PSMG2: variants seen among roughly 807,000 people sequenced by gnomAD.
The protein encoded by PSMG2 is CD40 ligand-activated specific transcript 3.
PSMG2 carries 21 observed loss-of-function variants against 31.5 expected under a neutral mutation model. The ratio of observed to expected loss-of-function variants is 0.67; its 90% confidence interval spans 0.47 to 0.96. The LOEUF (loss-of-function observed/expected upper bound fraction) is 0.96. Ranked by LOEUF, PSMG2 falls within the 40% of genes least tolerant of loss-of-function variation. PSMG2 has a pLI of 0.00. For synonymous variants in PSMG2, 120 were observed against 110.4 expected (o/e 1.09, Z -0.54); for missense variants, 318 against 321.2 (o/e 0.99, Z 0.08).
rs368754056 is a variant in PSMG2, at chr18:12,671,743, C to T, written c.-37+12970C>T. 2.1e-4 allele frequency among the ~76,000 whole-genome samples: 31 copies of T among 148,808 alleles called. No homozygotes were observed. In the East Asian group the frequency reaches 5.8e-3, roughly 28 times the overall value. On this transcript the variant is annotated intron_variant, in intron 1 of 6. Transcript: ENST00000585331. Reference sequence around the variant, plus strand: ...AGCTCACCACCTCTGTGGACTCAAGCGATCCTTCCGCCTCAGACTCCCGAG... The same window carrying T: ...AGCTCACCACCTCTGTGGACTCAAGTGATCCTTCCGCCTCAGACTCCCGAG...
At chr18:12,699,159 C>T (rs2040062468), upstream of PSMG2, 1 of 1,613,912 alleles carries the variant, frequency 6.2e-7, no homozygotes, top group African/African-American at 1.3e-5. Flanking sequence ...GCTTTTCCAC[C>T]CAAAACCTGA....
rs144600506 is a variant in PSMG2, at chr18:12,689,194, C to T, written c.-36-17356C>T. On this transcript the variant is annotated intron_variant, in intron 1 of 6. Transcript: ENST00000585331. ...TTTTTGGCCTGGATATGTATATTAACGTTTTGATTTATAACTATTGTTTTT... is the reference window on the plus strand; with the variant it reads ...TTTTTGGCCTGGATATGTATATTAATGTTTTGATTTATAACTATTGTTTTT... Among the ~76,000 whole-genome samples, 353 of 152,258 alleles carry T rather than the reference C, an allele frequency of 2.3e-3. 3 individuals are homozygous for T. Among genetic ancestry groups the T allele is most frequent in the South Asian group, 0.014 (69 of 4,820 alleles).
At chr18:12,690,876 T>C (rs2039729779) in intron 1 of PSMG2, among the ~76,000 whole-genome samples, 1 of 152,110 alleles carries the variant, frequency 6.6e-6, no homozygotes, top group South Asian at 2.1e-4. Context: ...GTCACTGGCT[T>C]AGAAGTCGTG....
upstream of PSMG2, among the ~76,000 whole-genome samples, chr18:12,701,984 G>A (rs1241292188): frequency 4.6e-5 from 7 of 152,194 alleles, no homozygotes; most frequent in South Asian, 2.1e-4. Context: ...AAAATTAGCC[G>A]AGCGTGGTGG....
At chr18:12,686,896 G>C (rs1290544495) in intron 1 of PSMG2, 1 of 152,408 alleles carries the variant, frequency 6.6e-6, no homozygotes, top group East Asian at 1.9e-4. Context: ...CTTGATTCTA[G>C]TTTGTTTCCA....
intron 1 of PSMG2, among the ~76,000 whole-genome samples, chr18:12,697,564 C>T (rs1007103065): frequency 6.6e-6 from 1 of 152,198 alleles, no homozygotes; most frequent in East Asian, 1.9e-4. Flanking sequence ...ACTGGAAATA[C>T]AAGTACAGTC....
chr18:12,698,391 A>G (rs1438076187), upstream of PSMG2, among the ~76,000 whole-genome samples: 12 of 152,018 alleles, frequency 7.9e-5, no homozygotes, highest in Admixed American at 7.2e-4. Flanking sequence ...CTGGTCTCAA[A>G]CTCCTGACCT....
intron 1 of PSMG2, among the ~76,000 whole-genome samples, chr18:12,677,269 A>C (rs1039495733): frequency 2.0e-5 from 3 of 151,918 alleles, no homozygotes; most frequent in African/African-American, 4.8e-5. Context: ...GTGAAACCCT[A>C]TCTCTACAAA....
At chr18:12,663,158 A>G (rs2038733069) in intron 1 of PSMG2, among the ~76,000 whole-genome samples, 1 of 152,194 alleles carries the variant, frequency 6.6e-6, no homozygotes, top group Admixed American at 6.5e-5. Context: ...TTCCTATAAC[A>G]CAAACTTTCC....
At chr18:12,719,722 T>A (rs538276523) in intron 4 of PSMG2, among the ~76,000 whole-genome samples, 2 of 149,346 alleles carry the variant, frequency 1.3e-5, no homozygotes, top group East Asian at 4.0e-4. Flanking sequence ...CCTCTTTTTT[T>A]TTTTGAGACG....
At chr18:12,674,770 G>A (rs774429469) in intron 1 of PSMG2, 8 of 1,501,182 alleles carry the variant, frequency 5.3e-6, no homozygotes, top group East Asian at 4.7e-5. Context: ...GCAATCAAGA[G>A]AAAAAGAAAA....
intron 2 of PSMG2, among the ~76,000 whole-genome samples, chr18:12,711,990 C>T (rs550327505): frequency 6.6e-6 from 1 of 152,178 alleles, no homozygotes; most frequent in Admixed American, 6.6e-5. Context: ...ATCTCCTGAC[C>T]TTGTGATCCA....
At position 12,725,533 on chromosome 18, in the gene PSMG2, C is replaced by A; in HGVS notation, c.*2C>A. On this transcript the variant is annotated 3_prime_UTR_variant, in exon 7 of 7. Coordinates refer to ENST00000317615, the MANE Select transcript of PSMG2 (RefSeq NM_020232.5). Reference sequence around the variant, plus strand: ...GGTCTTCCCCCTGCACTTTTCTGATCTAATTTCTGTTTTATACCTTATACC... The same window carrying A: ...GGTCTTCCCCCTGCACTTTTCTGATATAATTTCTGTTTTATACCTTATACC... The A allele has an allele frequency of 6.4e-7, 1 of 1,574,422 alleles. No homozygotes were observed. The highest frequency in any genetic ancestry group is 8.7e-7 in the Non-Finnish European group (1 of 1,145,246).
chr18:12,661,151 T>C, intron 1 of PSMG2, among the ~76,000 whole-genome samples: 1 of 151,804 alleles, frequency 6.6e-6, no homozygotes, highest in Admixed American at 6.6e-5. Context: ...CTACTAAAAA[T>C]ACAAAAATTA....
At chr18:12,699,893 G>A, upstream of PSMG2, 1 of 1,593,802 alleles carries the variant, frequency 6.3e-7, no homozygotes, top group Non-Finnish European at 8.6e-7. Flanking sequence ...GGGAGTTCTT[G>A]CTCAACACTG....
intron 3 of PSMG2, among the ~76,000 whole-genome samples, chr18:12,716,398 T>TC (rs939677086): frequency 1.3e-5 from 2 of 150,064 alleles, no homozygotes; most frequent in African/African-American, 2.4e-5. Context: ...GAATTTTTTT[T>TC]TTTTTTTTTT....
intron 1 of PSMG2, among the ~76,000 whole-genome samples, chr18:12,705,117 T>A (rs891507926): frequency 6.6e-6 from 1 of 151,672 alleles, no homozygotes; most frequent in Non-Finnish European, 1.5e-5. Flanking sequence ...CAGTCTGGAG[T>A]GCAATGGCAC....
At chr18:12,674,504 C>CTGAAAAAA in intron 1 of PSMG2, 1 of 1,519,438 alleles carries the variant, frequency 6.6e-7, no homozygotes, top group Non-Finnish European at 9.1e-7. Context: ...GACTCCTAAA[C>CTGAAAAAA]TGAAAAAATG....
chr18:12,698,625 T>C (rs986196102), upstream of PSMG2, among the ~76,000 whole-genome samples: 2 of 152,156 alleles, frequency 1.3e-5, no homozygotes, highest in Admixed American at 1.3e-4. Context: ...AAAAGTTACA[T>C]AACATCATCA....
Sources: gnomAD v4.1 joint callset for allele counts (sites outside exome capture counted in the v4.1 genomes callset) on GRCh38, gnomAD v4.1.1 for gene constraint, MANE v1.5 for transcripts, NCBI Gene and HGNC (gene_info 2026-07-23, HGNC 2026-07-21) for gene names.